LINGO2: variants seen among roughly 807,000 people sequenced by gnomAD.
The protein encoded by LINGO2 is leucine rich repeat and Ig domain containing 2.
LINGO2 carries 14 observed loss-of-function variants against 30.6 expected under a neutral mutation model. The ratio of observed to expected loss-of-function variants is 0.46; its 90% confidence interval spans 0.30 to 0.72. LINGO2 has a LOEUF of 0.72. Ranked by LOEUF, LINGO2 falls within the 30% of genes least tolerant of loss-of-function variation. The probability of loss-of-function intolerance (pLI) is 0.07; values close to 1 mark genes in which losing one functional copy is unlikely to be tolerated. For synonymous variants in LINGO2, 317 were observed against 288.5 expected, an observed-to-expected ratio of 1.10 and a Z score of -1.00; for missense variants, 729 against 751.7, an observed-to-expected ratio of 0.97 and a Z score of 0.35.
chr9:28,730,694 G>T, the LINGO2 span, among the ~76,000 whole-genome samples: 1 of 152,096 alleles, frequency 6.6e-6, no homozygotes, highest in African/African-American at 2.4e-5. Flanking sequence ...ATAAAAAGAA[G>T]TTTTATACAT....
chr9:28,371,248 C>T (rs35756531), intron 3 of LINGO2, among the ~76,000 whole-genome samples: 77,139 of 152,062 alleles, frequency 0.51, 20,961 homozygotes, highest in Non-Finnish European at 0.59. Context: ...AACCCATTGA[C>T]GTTTTAAACT....
chr9:28,363,087 T>G (rs1028658232), intron 3 of LINGO2, among the ~76,000 whole-genome samples: 3 of 152,112 alleles, frequency 2.0e-5, no homozygotes, highest in African/African-American at 7.2e-5. Flanking sequence ...ATTATCCTAT[T>G]TAATATTCAT....
At chr9:28,850,106 A>C in the LINGO2 span, among the ~76,000 whole-genome samples, 2 of 151,992 alleles carry the variant, frequency 1.3e-5, no homozygotes, top group Non-Finnish European at 2.9e-5. Context: ...TGGATACTTA[A>C]TTAAATGGAA....
the LINGO2 span, among the ~76,000 whole-genome samples, chr9:28,830,232 G>A: frequency 6.6e-5 from 10 of 152,116 alleles, no homozygotes; most frequent in African/African-American, 2.4e-4. Context: ...CTTGCTTCTT[G>A]GGCTGATGGA....
At chr9:29,130,760 G>C in the LINGO2 span, among the ~76,000 whole-genome samples, 1 of 152,090 alleles carries the variant, frequency 6.6e-6, no homozygotes, top group African/African-American at 2.4e-5. Context: ...TAAGGTACTT[G>C]TTAAAACATG....
At chr9:28,884,011 T>A in the LINGO2 span, among the ~76,000 whole-genome samples, 1 of 151,738 alleles carries the variant, frequency 6.6e-6, no homozygotes, top group Non-Finnish European at 1.5e-5. Flanking sequence ...TATATTAATA[T>A]ACTTATTATA....
chr9:27,940,103 T>G, the LINGO2 span: 1 of 152,184 alleles, frequency 6.6e-6, no homozygotes, highest in Admixed American at 6.5e-5. Context: ...ATAGGGAGAA[T>G]CCACATATTT....
chr9:28,403,243 G>T (rs981177884), intron 2 of LINGO2, among the ~76,000 whole-genome samples: 1 of 152,212 alleles, frequency 6.6e-6, no homozygotes, highest in Non-Finnish European at 1.5e-5. Flanking sequence ...TTTCTCTTTG[G>T]TGTCTGGTTG....
the LINGO2 span, among the ~76,000 whole-genome samples, chr9:28,735,376 T>C: frequency 6.6e-6 from 1 of 152,194 alleles, no homozygotes; most frequent in Non-Finnish European, 1.5e-5. Flanking sequence ...CCCTTAATTA[T>C]CATACATCTA....
chr9:28,122,511 C>G (rs1055776946), intron 4 of LINGO2, among the ~76,000 whole-genome samples: 1 of 152,162 alleles, frequency 6.6e-6, no homozygotes, highest in Non-Finnish European at 1.5e-5. Flanking sequence ...GCTAACCTGT[C>G]CAGAATCACA....
chr9:28,882,474 T>C, the LINGO2 span, among the ~76,000 whole-genome samples: 1 of 152,338 alleles, frequency 6.6e-6, no homozygotes, highest in African/African-American at 2.4e-5. Context: ...GGTAGCCATC[T>C]GTAAACTCCA....
At chr9:29,169,766 G>C in the LINGO2 span, among the ~76,000 whole-genome samples, 1 of 152,174 alleles carries the variant, frequency 6.6e-6, no homozygotes. Context: ...ACTTTGGGAA[G>C]CCCAGACAGC....
chr9:29,101,456 T>C, the LINGO2 span, among the ~76,000 whole-genome samples: 4 of 152,138 alleles, frequency 2.6e-5, no homozygotes, highest in Admixed American at 2.6e-4. Flanking sequence ...GAATCCACCT[T>C]GTGGGAATGG....
chr9:28,851,835 A>G, the LINGO2 span, among the ~76,000 whole-genome samples: 1 of 151,918 alleles, frequency 6.6e-6, no homozygotes, highest in Non-Finnish European at 1.5e-5. Context: ...AAGTTATACT[A>G]CTTTTAATTA....
chr9:28,094,849 G>A (rs1400014600), intron 4 of LINGO2, among the ~76,000 whole-genome samples: 1 of 151,974 alleles, frequency 6.6e-6, no homozygotes, highest in African/African-American at 2.4e-5. Context: ...GATAGTAATA[G>A]CAAAAGTCCT....
intron 3 of LINGO2, among the ~76,000 whole-genome samples, chr9:28,304,255 T>A (rs1824258306): frequency 6.7e-6 from 1 of 150,294 alleles, no homozygotes; most frequent in Admixed American, 6.6e-5. Context: ...AATGTATATA[T>A]ATATATAAAA....
intron 4 of LINGO2, among the ~76,000 whole-genome samples, chr9:28,240,040 C>G (rs113829512): frequency 8.6e-5 from 13 of 151,930 alleles, no homozygotes; most frequent in African/African-American, 2.9e-4. Context: ...ACAATAGCCA[C>G]AAATAAAATA....
chr9:28,308,869 A>G (rs2134243565), intron 3 of LINGO2, among the ~76,000 whole-genome samples: 1 of 152,326 alleles, frequency 6.6e-6, no homozygotes, highest in Non-Finnish European at 1.5e-5. Context: ...ATGCAAATCA[A>G]AACCACAGTG....
the LINGO2 span, among the ~76,000 whole-genome samples, chr9:28,936,368 C>G: frequency 6.6e-6 from 1 of 151,996 alleles, no homozygotes; most frequent in Admixed American, 6.6e-5. Context: ...AGAAGGTCAC[C>G]AAAAAATGGT....
Sources: gnomAD v4.1 joint callset for allele counts (sites outside exome capture counted in the v4.1 genomes callset) on GRCh38, gnomAD v4.1.1 for gene constraint, MANE v1.5 for transcripts, NCBI Gene and HGNC (gene_info 2026-07-23, HGNC 2026-07-21) for gene names.